KLHL12: variants seen among roughly 807,000 people sequenced by gnomAD.
KLHL12 encodes the protein kelch like family member 12.
KLHL12 carries 17 observed loss-of-function variants against 60.8 expected under a neutral mutation model. That is an observed-to-expected ratio of 0.28 (90% CI 0.19 to 0.42). The LOEUF (loss-of-function observed/expected upper bound fraction) is 0.42, where lower values mean the gene tolerates loss of function less well. Among genes scored for constraint, KLHL12 ranks in the 10% least tolerant of loss-of-function variants. The probability of loss-of-function intolerance (pLI) is 1.00; values close to 1 mark genes in which losing one functional copy is unlikely to be tolerated. For synonymous variants in KLHL12, 220 were observed against 250.9 expected (o/e 0.88, Z 1.16); for missense variants, 468 against 722.3 (o/e 0.65, Z 4.04).
intron 3 of KLHL12, among the ~76,000 whole-genome samples, chr1:202,919,317 A>C (rs994644440): frequency 5.9e-5 from 9 of 152,182 alleles, no homozygotes; most frequent in African/African-American, 2.2e-4. Flanking sequence ...ATCCTGTGAA[A>C]ATATCATACT....
At chr1:202,911,763 TG>T in intron 4 of KLHL12, 1 of 665,356 alleles carries the variant, frequency 1.5e-6, no homozygotes, top group South Asian at 1.9e-5. Flanking sequence ...TTTCTGCCTG[TG>T]GACGCCGCCG....
At chr1:202,925,235 C>G (rs1242168402) in intron 1 of KLHL12, 28 bp from the exon 2 acceptor site, 2 of 1,593,960 alleles carry the variant, frequency 1.3e-6, no homozygotes, top group Non-Finnish European at 1.7e-6. Context: ...AAACAATGAG[C>G]ATATTCAAAG....
At chr1:202,914,668 C>T (rs1660466463) in intron 4 of KLHL12, among the ~76,000 whole-genome samples, 1 of 151,878 alleles carries the variant, frequency 6.6e-6, no homozygotes. Flanking sequence ...GAGTTTGAGA[C>T]GAGCCTGGCC....
chr1:202,898,199 T>A (rs1659902342), intron 6 of KLHL12, among the ~76,000 whole-genome samples: 1 of 152,198 alleles, frequency 6.6e-6, no homozygotes, highest in African/African-American at 2.4e-5. Context: ...CCACAGCACC[T>A]GCCTTGGCTT....
In KLHL12 at chr1:202,927,154, C is replaced by A; in HGVS notation, c.-111G>T. ...CAGCCTGTGGGGATGGAGTGCGGCG[C>A]GGGGCTAGCAGGCGGCTCGGGAGGA... On this transcript the variant is annotated 5_prime_UTR_variant, in exon 1 of 12. Coordinates refer to ENST00000367261, the MANE Select transcript of KLHL12 (RefSeq NM_021633.4). 7 of 985,278 alleles carry A rather than the reference C, an allele frequency of 7.1e-6. No homozygotes were observed. The highest frequency in any genetic ancestry group is 8.4e-6 in the Non-Finnish European group (7 of 829,932). The allele number at this position is 985,278 out of a possible 1,614,324, so 61.0% of individuals were successfully genotyped here.
In KLHL12 at chr1:202,895,176, G is replaced by A. The variant is rs1449380069; in HGVS notation, c.1135+346C>T. ...GGAGGCCGAGGTGGGTCAATCACTT[G>A]AGCTCAGGAGTTAGAGATCAGCCTG... is the stretch of plus-strand genomic sequence containing the variant. On this transcript the variant is annotated intron_variant, in intron 8 of 11. Coordinates refer to ENST00000367261, the MANE Select transcript of KLHL12 (RefSeq NM_021633.4). This position sits in a 1 kb window ranked among gnomAD's most constrained non-coding sequence, Gnocchi z 4.2. Among the ~76,000 whole-genome samples, 1 of 152,130 alleles carries A rather than the reference G, an allele frequency of 6.6e-6. No homozygotes were observed. Among genetic ancestry groups the A allele is most frequent in the African/African-American group, 2.4e-5 (1 of 41,428 alleles).
chr1:202,919,993 TTAA>T (rs1660636922), intron 2 of KLHL12, 85 bp from the exon 3 acceptor site: 1 of 1,145,258 alleles, frequency 8.7e-7, no homozygotes, highest in South Asian at 1.4e-5. Context: ...CTTAGAGATG[TTAA>T]TAATATTAAT....
upstream of KLHL12, among the ~76,000 whole-genome samples, chr1:202,927,518 A>G (rs10920527): frequency 8.2e-6 from 1 of 122,612 alleles, no homozygotes; most frequent in African/African-American, 2.9e-5. Flanking sequence ...CCCCGTTTCT[A>G]CAAAAAAAAA....
chr1:202,892,912 C>G (rs1310542123), intron 11 of KLHL12, among the ~76,000 whole-genome samples: 2 of 152,062 alleles, frequency 1.3e-5, no homozygotes. Flanking sequence ...CATGGTGACT[C>G]TCACCTGTAA....
chr1:202,895,762 A>G lies in KLHL12; in HGVS notation c.940-45T>C, dbSNP rs1166029919. ...AGGTACAGAGCATTTCAGTTAGGCAAGTTTTGGGCCTTACCTTTTGCTATC... is the reference window on the plus strand; with the variant it reads ...AGGTACAGAGCATTTCAGTTAGGCAGGTTTTGGGCCTTACCTTTTGCTATC... On this transcript the variant is annotated intron_variant, in intron 7 of 11. Transcript: ENST00000367261. The surrounding 1 kb of genome is among the most constrained non-coding windows in gnomAD (Gnocchi z 4.2). The G allele has an allele frequency of 2.0e-6, 3 of 1,512,618 alleles. No homozygotes were observed. The highest frequency in any genetic ancestry group is 2.3e-5 in the East Asian group (1 of 44,302). The allele number at this position is 1,512,618 out of a possible 1,614,324, so 93.7% of individuals were successfully genotyped here. A position where few individuals can be genotyped will look rare whatever the true frequency, so the allele number is the denominator to read the frequency against.
At chr1:202,917,281 C>G (rs1660550990) in intron 4 of KLHL12, among the ~76,000 whole-genome samples, 1 of 152,156 alleles carries the variant, frequency 6.6e-6, no homozygotes, top group African/African-American at 2.4e-5. Context: ...GTGGTGCGAT[C>G]ATGGCTCACT....
chr1:202,912,590 C>T (rs1363674851), intron 4 of KLHL12: 41 of 1,283,086 alleles, frequency 3.2e-5, no homozygotes, highest in Admixed American at 5.1e-5. Flanking sequence ...AAATTTTGGA[C>T]CCATGAAGGG....
chr1:202,893,574 C>T lies in KLHL12; in HGVS notation c.1394-149G>A. The T allele has an allele frequency of 1.7e-6, 1 of 585,370 alleles. No homozygotes were observed. The highest frequency in any genetic ancestry group is 3.0e-6 in the Non-Finnish European group (1 of 335,980). 36.3% of individuals were successfully genotyped at this position (585,370 alleles called of 1,614,324 possible). A position where few individuals can be genotyped will look rare whatever the true frequency, so the allele number is the denominator to read the frequency against. On this transcript the variant is annotated intron_variant, in intron 10 of 11. Transcript: ENST00000367261. The surrounding 1 kb of genome is among the most constrained non-coding windows in gnomAD (Gnocchi z 4.1). ...CACACGGGCCTAGAATAATCTAGTC[C>T]AGCACAAGTTATTCCATCTATAAAC... is the stretch of plus-strand genomic sequence containing the variant.
rs928246329 is a variant in KLHL12, at chr1:202,895,405, A to G, written c.1135+117T>C. The G allele has an allele frequency of 2.3e-6, 2 of 859,002 alleles. No homozygotes were observed. Among genetic ancestry groups the G allele is most frequent in the African/African-American group, 3.4e-5 (2 of 58,392 alleles). 53.2% of individuals were successfully genotyped at this position (859,002 alleles called of 1,614,324 possible). On this transcript the variant is annotated intron_variant, in intron 8 of 11. Transcript: ENST00000367261. The surrounding 1 kb of genome is among the most constrained non-coding windows in gnomAD (Gnocchi z 4.2). ...AGAGACCCTGTCTCAAATAATAATAACATTTGACCTTAATTTTTTCTCCGT... is the reference window on the plus strand; with the variant it reads ...AGAGACCCTGTCTCAAATAATAATAGCATTTGACCTTAATTTTTTCTCCGT...
Position 202,894,660 on chromosome 1 carries a change from G to C in KLHL12, c.1225C>G (p.Leu409Val). The change falls in exon 9 of 12, where the codon CTG (leucine) becomes GTG (valine). Residue 409 changes from leucine (L) to valine (V), a missense_variant. Leu to Val is a conservative substitution (Grantham distance 32, BLOSUM62 1). Transcript: ENST00000367261. Reference sequence around the variant, plus strand: ...TCCCGGGCTGTCTGCATATCTCCCAGCATGCTCCACTGGTCAATGTTTGGA... The same window carrying C: ...TCCCGGGCTGTCTGCATATCTCCCACCATGCTCCACTGGTCAATGTTTGGA... Reference protein sequence around the residue: ...YDPNIDQWSMLGDMQTAREGA... With the variant: ...YDPNIDQWSMVGDMQTAREGA... 1.2e-6 allele frequency: 2 copies of C among 1,614,048 alleles called. No homozygotes were observed.
At position 202,895,842 on chromosome 1, in the gene KLHL12, CCTT is replaced by C. The variant is rs1428437826; in HGVS notation, c.940-128_940-126del. ...TTCTTCACCTGTCATCATGAACCCT[CCTT>C]AAGTGGTTCATCCTCAAGTGGCTCC... On this transcript the variant is annotated intron_variant, in intron 7 of 11. Transcript: ENST00000367261. The surrounding 1 kb of genome is among the most constrained non-coding windows in gnomAD (Gnocchi z 4.2). The C allele has an allele frequency of 1.4e-6, 1 of 698,550 alleles. No homozygotes were observed. The highest frequency in any genetic ancestry group is 2.4e-6 in the Non-Finnish European group (1 of 413,604). The allele number at this position is 698,550 out of a possible 1,614,324, so 43.3% of individuals were successfully genotyped here.
chr1:202,894,567 A>C, intron 9 of KLHL12, 24 bp downstream of exon 9: 1 of 1,613,434 alleles, frequency 6.2e-7, no homozygotes. Context: ...GTTCCCTCCC[A>C]TTCCTGCATC....
At chr1:202,910,919 A>G in intron 5 of KLHL12, 135 bp downstream of exon 5, 1 of 934,020 alleles carries the variant, frequency 1.1e-6, no homozygotes, top group Non-Finnish European at 1.6e-6. Context: ...ACTACCCAGC[A>G]CCACTCTCAC....
At chr1:202,903,629 CTT>C (rs1220119536) in intron 6 of KLHL12, among the ~76,000 whole-genome samples, 3 of 76,084 alleles carry the variant, frequency 3.9e-5, no homozygotes, top group African/African-American at 1.3e-4. Flanking sequence ...TTTTTCTTTT[CTT>C]TTTTTTTTTG....
Sources: allele counts gnomAD v4.1 joint callset (sites outside exome capture counted in the v4.1 genomes callset), GRCh38; gene constraint gnomAD v4.1.1; non-coding constraint Gnocchi (gnomAD v3.1); transcripts MANE v1.5; gene names NCBI Gene and HGNC (gene_info 2026-07-23, HGNC 2026-07-21).